The following WDPCP variants were observed in gnomAD, a reference collection of about 807,000 sequenced individuals.
The protein encoded by WDPCP is WD repeat containing planar cell polarity effector.
Under a neutral mutation model 93.1 loss-of-function variants are expected in WDPCP, and 71 were observed. The observed-to-expected ratio is 0.76, with a 90% CI of 0.63 to 0.93. WDPCP has a LOEUF of 0.93. Among genes scored for constraint, WDPCP ranks in the 40% least tolerant of loss-of-function variants. The pLI is 0.00. For missense variants in WDPCP, 844 were observed against 887.4 expected (o/e 0.95, Z 0.62); for synonymous variants, 315 against 315.0 (o/e 1.00, Z 0.00).
intron 17 of WDPCP, among the ~76,000 whole-genome samples, chr2:63,152,332 T>G (rs1671941868): frequency 6.6e-6 from 1 of 151,112 alleles, no homozygotes; most frequent in South Asian, 2.1e-4. Flanking sequence ...TGGAGTGCAG[T>G]GGCATGATCT....
At chr2:63,817,082 T>G (rs1163220199) in intron 1 of WDPCP, among the ~76,000 whole-genome samples, 1 of 151,754 alleles carries the variant, frequency 6.6e-6, no homozygotes, top group Non-Finnish European at 1.5e-5. Context: ...TGTCAAAAAC[T>G]CATCAGACAC....
At chr2:63,342,608 C>T (rs146355063) in intron 12 of WDPCP, among the ~76,000 whole-genome samples, 436 of 152,264 alleles carry the variant, frequency 2.9e-3, no homozygotes, top group Non-Finnish European at 3.6e-3. Context: ...TTCACACCAA[C>T]GTAGCTTCAA....
chr2:63,804,575 A>T (rs1414549682), intron 2 of WDPCP, among the ~76,000 whole-genome samples: 12 of 150,426 alleles, frequency 8.0e-5, no homozygotes, highest in Admixed American at 2.0e-4. Flanking sequence ...ACTTATCCTA[A>T]CTCTATGTGT....
At chr2:63,410,454 T>C (rs1694941696) in intron 9 of WDPCP, among the ~76,000 whole-genome samples, 1 of 151,850 alleles carries the variant, frequency 6.6e-6, no homozygotes, top group Non-Finnish European at 1.5e-5. Flanking sequence ...AAAACAAAAA[T>C]ACAACTTATA....
chr2:63,319,646 T>G (rs1318349758), intron 12 of WDPCP, among the ~76,000 whole-genome samples: 1 of 152,120 alleles, frequency 6.6e-6, no homozygotes, highest in East Asian at 1.9e-4. Context: ...GCCTGGCTAA[T>G]TTTTTGTATT....
intron 2 of WDPCP, among the ~76,000 whole-genome samples, chr2:63,720,846 T>C (rs1337146093): frequency 6.6e-6 from 1 of 152,196 alleles, no homozygotes; most frequent in Non-Finnish European, 1.5e-5. Flanking sequence ...CACAGCCCAC[T>C]GAAATGAATG....
At chr2:63,409,505 A>G (rs1015546702) in intron 9 of WDPCP, among the ~76,000 whole-genome samples, 2 of 152,152 alleles carry the variant, frequency 1.3e-5, no homozygotes, top group Non-Finnish European at 2.9e-5. Context: ...AGTACCCCCA[A>G]AAGATCACAC....
At chr2:63,141,035 T>G (rs1671021858) in intron 17 of WDPCP, among the ~76,000 whole-genome samples, 1 of 152,122 alleles carries the variant, frequency 6.6e-6, no homozygotes. Context: ...GATGCTGGAT[T>G]TTGTCGAATG....
chr2:63,575,410 G>C (rs1293184156), intron 1 of WDPCP, among the ~76,000 whole-genome samples: 2 of 111,504 alleles, frequency 1.8e-5, no homozygotes, highest in Non-Finnish European at 3.4e-5. Flanking sequence ...TATATATACA[G>C]TATATACACT....
intron 6 of WDPCP, among the ~76,000 whole-genome samples, chr2:63,451,060 G>C (rs535144816): frequency 6.6e-6 from 1 of 151,922 alleles, no homozygotes. Flanking sequence ...AAGAAGCTCA[G>C]TAAGATACAA....
At chr2:63,719,056 T>C (rs557463862) in intron 2 of WDPCP, among the ~76,000 whole-genome samples, 1 of 152,196 alleles carries the variant, frequency 6.6e-6, no homozygotes, top group Non-Finnish European at 1.5e-5. Flanking sequence ...AGGAAACAGT[T>C]GTCAAGCTTA....
intron 3 of WDPCP, among the ~76,000 whole-genome samples, chr2:63,615,185 G>A (rs147292308): frequency 6.6e-6 from 1 of 152,314 alleles, no homozygotes; most frequent in Non-Finnish European, 1.5e-5. Context: ...TAAGGAAGCA[G>A]CTATGACACA....
intron 8 of WDPCP, among the ~76,000 whole-genome samples, chr2:63,435,616 C>T (rs537835346): frequency 2.6e-5 from 4 of 152,168 alleles, no homozygotes; most frequent in Admixed American, 6.5e-5. Context: ...AAATCACTTA[C>T]GTTATGAAAT....
intron 15 of WDPCP, among the ~76,000 whole-genome samples, chr2:63,166,469 C>T (rs1459182783): frequency 6.6e-6 from 1 of 152,042 alleles, no homozygotes; most frequent in East Asian, 1.9e-4. Flanking sequence ...TGCAGGGGCG[C>T]GATCAGCTCA....
chr2:63,461,111 G>A (rs1698978421), intron 6 of WDPCP, among the ~76,000 whole-genome samples: 2 of 152,162 alleles, frequency 1.3e-5, no homozygotes, highest in Non-Finnish European at 2.9e-5. Flanking sequence ...AGCTAGGAAT[G>A]GTGCATGCAA....
At chr2:63,638,797 G>GA (rs575796116) in intron 3 of WDPCP, among the ~76,000 whole-genome samples, 64 of 116,620 alleles carry the variant, frequency 5.5e-4, no homozygotes, top group Middle Eastern at 4.5e-3. Context: ...TCGAAAAAAA[G>GA]AAAAAAAAAA....
At chr2:63,717,352 G>T in intron 2 of WDPCP, 1 of 485,496 alleles carries the variant, frequency 2.1e-6, no homozygotes, top group South Asian at 1.7e-5. Context: ...AGGCACCAAG[G>T]ACTGGTACAT....
intron 14 of WDPCP, among the ~76,000 whole-genome samples, chr2:63,218,315 GTTATC>G (rs1677522706): frequency 1.3e-5 from 2 of 151,900 alleles, no homozygotes; most frequent in African/African-American, 2.4e-5. Flanking sequence ...ATATGATAGC[GTTATC>G]TTATATTCAG....
intron 13 of WDPCP, among the ~76,000 whole-genome samples, chr2:63,294,387 G>C (rs556629894): frequency 6.6e-6 from 1 of 152,088 alleles, no homozygotes; most frequent in African/African-American, 2.4e-5. Context: ...GCAAGCCCCT[G>C]TAATCCCAGC....
Sources: gnomAD v4.1 joint callset for allele counts (sites outside exome capture counted in the v4.1 genomes callset) on GRCh38, gnomAD v4.1.1 for gene constraint, MANE v1.5 for transcripts, NCBI Gene and HGNC (gene_info 2026-07-23, HGNC 2026-07-21) for gene names.